E2F3: variants seen among roughly 807,000 people sequenced by gnomAD.
The protein encoded by E2F3 is transcription factor E2F3.
A neutral mutation model predicts 44.4 loss-of-function variants in E2F3; 11 were observed. That is an observed-to-expected ratio of 0.25 (90% CI 0.16 to 0.41). E2F3 has a LOEUF of 0.41. E2F3 is among the 10% of genes least tolerant of loss of function. E2F3 has a pLI of 1.00. For missense variants in E2F3, 487 were observed against 583.6 expected, an observed-to-expected ratio of 0.83 and a Z score of 1.70; for synonymous variants, 249 against 253.0, an observed-to-expected ratio of 0.98 and a Z score of 0.15.
At chr6:20,462,200 G>A (rs1283603832) in intron 1 of E2F3, among the ~76,000 whole-genome samples, 1 of 152,172 alleles carries the variant, frequency 6.6e-6, no homozygotes, top group Non-Finnish European at 1.5e-5. Context: ...GATAGCACGT[G>A]TGATTTGTGC....
rs145811055 is a variant in E2F3, at chr6:20,409,551, T to G, written c.393+6926T>G. On this transcript the variant is annotated intron_variant, in intron 1 of 6. Coordinates refer to ENST00000346618, the MANE Select transcript of E2F3 (RefSeq NM_001949.5). Reference sequence around the variant, plus strand: ...GTTTTGTCCTGGGCCACCAACATCCTGAGTGACTGTCATGCTTTCAGAGGT... The same window carrying G: ...GTTTTGTCCTGGGCCACCAACATCCGGAGTGACTGTCATGCTTTCAGAGGT... 1.1e-4 allele frequency among the ~76,000 whole-genome samples: 17 copies of G among 152,338 alleles called. 1 individual carries two copies. The East Asian group carries it at 3.3e-3, about 29-fold the overall frequency.
intron 2 of E2F3, 23 bp from the exon 3 acceptor site, chr6:20,481,183 C>T (rs1762213222): frequency 5.0e-6 from 8 of 1,611,298 alleles, no homozygotes; most frequent in African/African-American, 1.3e-5. Context: ...CCCCCACCCG[C>T]TCGGTTTTTG....
intron 2 of E2F3, 68 bp from the exon 3 acceptor site, chr6:20,481,138 A>C (rs1348963681): frequency 6.8e-7 from 1 of 1,463,370 alleles, no homozygotes; most frequent in Non-Finnish European, 9.4e-7. Flanking sequence ...GCTTGACTGC[A>C]AAGACACCCT....
At chr6:20,441,157 CT>C (rs1369803276) in intron 1 of E2F3, among the ~76,000 whole-genome samples, 2 of 152,184 alleles carry the variant, frequency 1.3e-5, no homozygotes, top group African/African-American at 4.8e-5. Flanking sequence ...TGAACAATAA[CT>C]CCCCTCCCAT....
rs115113732 is a variant in E2F3, at chr6:20,408,238, G to A, written c.393+5613G>A. ...CTGACCCTCTCTTTGGCTTCAGAAA[G>A]TGACGAGGAAAATGTATCTTTCACA... On this transcript the variant is annotated intron_variant, in intron 1 of 6. Coordinates refer to ENST00000346618, the MANE Select transcript of E2F3 (RefSeq NM_001949.5). Among the ~76,000 whole-genome samples, 292 of 152,300 alleles carry A rather than the reference G, an allele frequency of 1.9e-3. 1 individual carries two copies. Among genetic ancestry groups the A allele is most frequent in the African/African-American group, 6.8e-3 (282 of 41,564 alleles).
chr6:20,440,904 C>G (rs985122314), intron 1 of E2F3, among the ~76,000 whole-genome samples: 3 of 151,914 alleles, frequency 2.0e-5, no homozygotes, highest in Non-Finnish European at 2.9e-5. Flanking sequence ...GGTGGGAAGA[C>G]CCCAAAATCC....
rs778748509 is a variant in E2F3 at position 20,490,385 on chromosome 6, C to T, written c.1353C>T (p.Tyr451=). ...GCATCAGCGATCTCTTCGATGCTTA[C>T]GATTTGGAAAAGCTCCCACTGGTGG... The part of the protein sequence containing the change: ...EEGISDLFDA[Y]DLEKLPLVED... Residue 451 remains tyrosine (Y), a synonymous_variant, in exon 7 of 7, where the codon TAC becomes TAT. Coordinates refer to ENST00000346618, the MANE Select transcript of E2F3 (RefSeq NM_001949.5). This position sits in a 1 kb window ranked among gnomAD's most constrained non-coding sequence, Gnocchi z 4.3. 1.9e-5 allele frequency: 31 copies of T among 1,604,280 alleles called. No individual in the cohort carries two copies. In the East Asian group the frequency reaches 4.9e-4, roughly 25 times the overall value.
intron 1 of E2F3, among the ~76,000 whole-genome samples, chr6:20,415,560 A>G (rs1759818888): frequency 6.6e-6 from 1 of 152,144 alleles, no homozygotes; most frequent in Non-Finnish European, 1.5e-5. Flanking sequence ...GGGAAGCAAA[A>G]TCACCCCCAG....
Position 20,492,393 on chromosome 6 carries a change from T to C in E2F3, c.*1963T>C, listed in dbSNP as rs1049213285. The C allele has an allele frequency of 1.3e-5, 3 of 233,526 alleles. No homozygotes were observed. Among genetic ancestry groups the C allele is most frequent in the African/African-American group, 4.4e-5 (2 of 45,310 alleles). The allele number at this position is 233,526 out of a possible 1,614,324, so 14.5% of individuals were successfully genotyped here. On this transcript the variant is annotated 3_prime_UTR_variant, in exon 7 of 7. Transcript: ENST00000346618. The stretch of plus-strand genomic sequence containing the variant: ...CACACACACTGGACTTGGTACAAAA[T>C]GTCGGTGTGGTCCTAGATGAAGCAT...
chr6:20,421,244 G>A (rs1278168214), intron 1 of E2F3, among the ~76,000 whole-genome samples: 1 of 152,074 alleles, frequency 6.6e-6, no homozygotes, highest in African/African-American at 2.4e-5. Context: ...TGTTAATATT[G>A]ATATTTTGGC....
chr6:20,421,866 G>A (rs1760039935), intron 1 of E2F3: 1 of 152,284 alleles, frequency 6.6e-6, no homozygotes, highest in Admixed American at 6.6e-5. Context: ...TGGGACTACA[G>A]GCATGTGCCA....
chr6:20,424,448 G>A (rs1233093441), intron 1 of E2F3, among the ~76,000 whole-genome samples: 2 of 152,020 alleles, frequency 1.3e-5, no homozygotes, highest in African/African-American at 4.8e-5. Context: ...GTGCATGTGT[G>A]TCTGTGTTGT....
At position 20,493,089 on chromosome 6, in the gene E2F3, A is replaced by G. The variant is rs1354082050; in HGVS notation, c.*2659A>G. Reference sequence around the variant, plus strand: ...TTGTGCATAGCAATCGTTTTATTTAAGTTGATATGTAGTCTACTCACATTT... The same window carrying G: ...TTGTGCATAGCAATCGTTTTATTTAGGTTGATATGTAGTCTACTCACATTT... On this transcript the variant is annotated 3_prime_UTR_variant, in exon 7 of 7. Transcript: ENST00000346618. 4.5e-6 allele frequency: 1 copy of G among 219,974 alleles called. No individual in the cohort carries two copies. Among genetic ancestry groups the G allele is most frequent in the Non-Finnish European group, 9.1e-6 (1 of 109,482 alleles). The allele number at this position is 219,974 out of a possible 1,614,324, so 13.6% of individuals were successfully genotyped here.
intron 1 of E2F3, among the ~76,000 whole-genome samples, chr6:20,447,863 C>T (rs1018190038): frequency 1.3e-5 from 2 of 152,116 alleles, no homozygotes; most frequent in African/African-American, 2.4e-5. Flanking sequence ...AAGATGTTTG[C>T]GAGACTTCAG....
In E2F3 at chr6:20,490,197, G is replaced by T. The variant is rs4134982; in HGVS notation, c.1165G>T (p.Asp389Tyr). Residue 389 changes from aspartate (D) to tyrosine (Y), a missense_variant, in exon 7 of 7, where the codon GAT becomes TAT. Coordinates refer to ENST00000346618, the MANE Select transcript of E2F3 (RefSeq NM_001949.5). This position sits in a 1 kb window ranked among gnomAD's most constrained non-coding sequence, Gnocchi z 4.3. Reference protein sequence around the residue: ...DLASTNSGHSDCSVSMGNLSP... With the variant: ...DLASTNSGHSYCSVSMGNLSP... ...GGCTTCAACCAACTCAGGACATAGC[G>T]ATTGCTCAGTTTCTATGGGAAACCT... is the stretch of plus-strand genomic sequence containing the variant. 3 of 1,613,244 alleles carry T rather than the reference G, an allele frequency of 1.9e-6. No homozygotes were observed. The highest frequency in any genetic ancestry group is 4.5e-5 in the East Asian group (2 of 44,852).
intron 1 of E2F3, chr6:20,403,796 A>C: frequency 6.7e-7 from 1 of 1,493,566 alleles, no homozygotes; most frequent in Non-Finnish European, 8.9e-7. Context: ...CTCCCCCCGG[A>C]GCCAGGCTGG....
intron 1 of E2F3, among the ~76,000 whole-genome samples, chr6:20,412,818 C>T (rs781531839): frequency 1.9e-4 from 29 of 152,122 alleles, no homozygotes; most frequent in Admixed American, 6.5e-4. Flanking sequence ...AAGGAAATTG[C>T]GCAGGCCAAA....
chr6:20,458,110 C>T (rs1314351079), intron 1 of E2F3, among the ~76,000 whole-genome samples: 2 of 152,046 alleles, frequency 1.3e-5, no homozygotes, highest in South Asian at 2.1e-4. Context: ...GATAGTGGCT[C>T]ATTATGAAGT....
chr6:20,402,103 G>C lies in E2F3; in HGVS notation c.-130G>C. 7.2e-7 allele frequency: 1 copy of C among 1,392,162 alleles called. No homozygotes were observed. The highest frequency in any genetic ancestry group is 1.6e-5 in the South Asian group (1 of 62,602). 86.2% of individuals were successfully genotyped at this position (1,392,162 alleles called of 1,614,324 possible). The stretch of plus-strand genomic sequence containing the variant: ...CGGAAAAATAAAAAGAAAAGAGAGA[G>C]AGGGGGCTCGGAAGCGCCGGGCGGG... On this transcript the variant is annotated 5_prime_UTR_variant, in exon 1 of 7. Coordinates refer to ENST00000346618, the MANE Select transcript of E2F3 (RefSeq NM_001949.5). This position sits in a 1 kb window ranked among gnomAD's most constrained non-coding sequence, Gnocchi z 5.6.
Sources: allele counts gnomAD v4.1 joint callset (sites outside exome capture counted in the v4.1 genomes callset), GRCh38; gene constraint gnomAD v4.1.1; non-coding constraint Gnocchi (gnomAD v3.1); transcripts MANE v1.5; gene names NCBI Gene and HGNC (gene_info 2026-07-23, HGNC 2026-07-21).